The following FAM9A variants were observed in gnomAD, a reference collection of about 807,000 sequenced individuals.
FAM9A encodes the protein protein FAM9A.
FAM9A carries 49 observed loss-of-function variants against 25.0 expected under a neutral mutation model. The observed-to-expected ratio is 1.96, with a 90% CI of 1.56 to 2.48. The LOEUF (loss-of-function observed/expected upper bound fraction) is 2.48, where lower values mean the gene tolerates loss of function less well. Among genes scored for constraint, FAM9A ranks in the 30% most tolerant of loss-of-function variants. FAM9A has a pLI of 0.00. For missense variants in FAM9A, 266 were observed against 249.3 expected (o/e 1.07, Z -0.45); for synonymous variants, 80 against 85.1 (o/e 0.94, Z 0.33).
intron 7 of FAM9A, among the ~76,000 whole-genome samples, chrX:8,794,666 A>G (rs1014154925): frequency 9.0e-6 from 1 of 111,365 alleles, no homozygotes; most frequent in Admixed American, 9.5e-5. Context: ...CACCCACTGA[A>G]TGGAACACTT....
chrX:8,797,038 A>G (rs1933542117), intron 5 of FAM9A, among the ~76,000 whole-genome samples: 1 of 112,502 alleles, frequency 8.9e-6, no homozygotes, highest in African/African-American at 3.2e-5. Flanking sequence ...ATGCTTTCCT[A>G]AACATGGTTT....
At chrX:8,794,929 AATT>A in intron 7 of FAM9A, 146 bp downstream of exon 7, 1 of 874,892 alleles carries the variant, frequency 1.1e-6, no homozygotes, top group East Asian at 3.2e-5. Flanking sequence ...GCTGCGTGGC[AATT>A]ATATTCCCCT....
intron 1 of FAM9A, among the ~76,000 whole-genome samples, chrX:8,800,410 ACTCACAGCTGC>A (rs765138742): frequency 8.6e-4 from 95 of 109,990 alleles, no homozygotes; most frequent in African/African-American, 3.1e-3. Context: ...TGGCTGCAGA[ACTCACAGCTGC>A]CTCGCACACC....
chrX:8,797,222 T>A (rs1933544018), intron 5 of FAM9A, among the ~76,000 whole-genome samples: 1 of 112,524 alleles, frequency 8.9e-6, no homozygotes, highest in Non-Finnish European at 1.9e-5. Flanking sequence ...ACTGCTTGTA[T>A]GAATTATCGC....
chrX:8,793,113 C>A (rs1486574474), intron 8 of FAM9A, among the ~76,000 whole-genome samples: 1 of 112,168 alleles, frequency 8.9e-6, no homozygotes, highest in African/African-American at 3.2e-5. Flanking sequence ...GTTACACTTG[C>A]CTACTTCCTA....
intron 2 of FAM9A, among the ~76,000 whole-genome samples, chrX:8,799,551 G>A (rs1470774771): frequency 1.9e-5 from 2 of 102,991 alleles, no homozygotes; most frequent in Non-Finnish European, 4.0e-5. Context: ...GGACCCACTC[G>A]AACTGTCCCC....
chrX:8,796,616 T>C (rs754485054), intron 5 of FAM9A, among the ~76,000 whole-genome samples: 12 of 112,188 alleles, frequency 1.1e-4, no homozygotes, highest in African/African-American at 3.2e-4. Context: ...ACTTAATTTA[T>C]GGATGATGAA....
At chrX:8,792,732 T>A (rs752678059) in intron 8 of FAM9A, among the ~76,000 whole-genome samples, 135 of 112,408 alleles carry the variant, frequency 1.2e-3, no homozygotes, top group African/African-American at 4.2e-3. Flanking sequence ...ATTTTCAAAC[T>A]CTTTTCTCAG....
chrX:8,800,639 G>A (rs751643381), intron 1 of FAM9A, among the ~76,000 whole-genome samples: 2 of 106,810 alleles, frequency 1.9e-5, no homozygotes, highest in East Asian at 6.0e-4. Context: ...CTGTCCTGAC[G>A]GGCGGCCGGG....
intron 7 of FAM9A, 49 bp downstream of exon 7, chrX:8,795,029 T>C: frequency 1.7e-6 from 2 of 1,144,067 alleles, no homozygotes; most frequent in Non-Finnish European, 2.3e-6. Flanking sequence ...TATTACTACC[T>C]GAGACATTGA....
intron 2 of FAM9A, 100 bp downstream of exon 2, chrX:8,799,981 G>C: frequency 1.1e-6 from 1 of 904,512 alleles, no homozygotes; most frequent in South Asian, 2.3e-5. Flanking sequence ...CTCTTAGCAC[G>C]TGCATGGTGG....
chrX:8,795,155 C>A lies in FAM9A; in HGVS notation c.754G>T (p.Gly252Ter), dbSNP rs377667696. ...EEGGGEEGEE[G>*]GGGGEGEETE... ...TCTTCTCCTTCTCCTCCTCCTCCTC[C>A]TTCTTCTCCTTCTTCTCCTCCTCCT... The change falls in exon 7 of 10, where the codon GGA becomes TGA. Residue 252 changes from glycine to a stop codon, truncating the protein, a stop_gained. Transcript: ENST00000381003. LOFTEE classifies it high-confidence loss of function. 1.5e-5 allele frequency: 15 copies of A among 993,005 alleles called. No individual in the cohort carries two copies. Among genetic ancestry groups the A allele is most frequent in the Non-Finnish European group, 2.1e-5 (15 of 721,982 alleles). The allele number at this position is 993,005 out of a possible 1,213,427, so 81.8% of individuals were successfully genotyped here.
In FAM9A at chrX:8,795,127, G is replaced by T; in HGVS notation, c.782C>A (p.Thr261Lys). The T allele has an allele frequency of 1.8e-6, 2 of 1,137,349 alleles. No homozygotes were observed. Among genetic ancestry groups the T allele is most frequent in the South Asian group, 2.0e-5 (1 of 49,122 alleles). The allele number at this position is 1,137,349 out of a possible 1,213,427, so 93.7% of individuals were successfully genotyped here. The change falls in exon 7 of 10, where the codon ACA becomes AAA. Residue 261 changes from threonine to lysine, a missense_variant. Coordinates refer to ENST00000381003, the MANE Select transcript of FAM9A (RefSeq NM_174951.3). Reference sequence around the variant, plus strand: ...TTCTTCTTCCTCTTCCTCTTCTTCTGTTTCTTCTCCTTCTCCTCCTCCTCC... The same window carrying T: ...TTCTTCTTCCTCTTCCTCTTCTTCTTTTTCTTCTCCTTCTCCTCCTCCTCC... ...EGGGGGEGEE[T>K]EEEEEEEEEE...
intron 6 of FAM9A, among the ~76,000 whole-genome samples, chrX:8,795,890 CATAT>C (rs1466446423): frequency 9.0e-6 from 1 of 111,508 alleles, no homozygotes; most frequent in Non-Finnish European, 1.9e-5. Context: ...AAATAGATAA[CATAT>C]TTACAACATA....
chrX:8,793,798 T>C (rs374396410), intron 7 of FAM9A, 42 bp from the exon 8 acceptor site: 32 of 912,750 alleles, frequency 3.5e-5, no homozygotes, highest in Non-Finnish European at 4.6e-5. Context: ...GGGTAATTTT[T>C]AATACTTACA....
intron 8 of FAM9A, among the ~76,000 whole-genome samples, chrX:8,793,013 A>T (rs73479431): frequency 0.031 from 3,446 of 112,351 alleles, 136 homozygotes; most frequent in African/African-American, 0.11. Context: ...ATTGTCATGT[A>T]AAACCATTAC....
rs773166883 is a variant in FAM9A, at chrX:8,800,222, A to C, written c.-38-13T>G. ...GCGATCCCTGAACCTGGTTGAGTGCAAAGTCAAACTAAGTAAGCTAAGGAA... is the reference window on the plus strand; with the variant it reads ...GCGATCCCTGAACCTGGTTGAGTGCCAAGTCAAACTAAGTAAGCTAAGGAA... On this transcript the variant is annotated splice_polypyrimidine_tract_variant and intron_variant, in intron 1 of 9. Coordinates refer to ENST00000381003, the MANE Select transcript of FAM9A (RefSeq NM_174951.3). 1.8e-5 allele frequency: 21 copies of C among 1,178,994 alleles called. No homozygotes were observed. Among genetic ancestry groups the C allele is most frequent in the Non-Finnish European group, 2.4e-5 (21 of 871,967 alleles).
chrX:8,798,585 T>G, intron 3 of FAM9A, 106 bp from the exon 4 acceptor site: 1 of 1,115,171 alleles, frequency 9.0e-7, no homozygotes, highest in Non-Finnish European at 1.2e-6. Flanking sequence ...TCTCTACCAA[T>G]TAAAGCTTTA....
chrX:8,795,190 C>T lies in FAM9A; in HGVS notation c.719G>A (p.Gly240Glu). 9.7e-7 allele frequency: 1 copy of T among 1,034,391 alleles called. No homozygotes were observed. 85.2% of individuals were successfully genotyped at this position (1,034,391 alleles called of 1,213,427 possible). A position where few individuals can be genotyped will look rare whatever the true frequency, so the allele number is the denominator to read the frequency against. The change falls in exon 7 of 10, where the codon GGA becomes GAA. Residue 240 changes from glycine (G) to glutamate (E), a missense_variant. Transcript: ENST00000381003. ...TTCTTCTCCTCCTCCTTCTTCTTCT[C>T]CTTCTTCTTCCTCCTCTTCTTTCTC... ...EEEKEEEEEE[G>E]EEEGGGEEGE...
Sources: gnomAD v4.1 joint callset for allele counts (sites outside exome capture counted in the v4.1 genomes callset) on GRCh38, gnomAD v4.1.1 for gene constraint, MANE v1.5 for transcripts, NCBI Gene and HGNC (gene_info 2026-07-23, HGNC 2026-07-21) for gene names.